DDX56: variants seen among roughly 807,000 people sequenced by gnomAD.
The protein encoded by DDX56 is DEAD-box helicase 56.
In DDX56, 45 loss-of-function variants were observed where a neutral mutation model predicts 61.5. The ratio of observed to expected loss-of-function variants is 0.73; its 90% CI spans 0.58 to 0.94. The LOEUF (loss-of-function observed/expected upper bound fraction) is 0.94. Among genes scored for constraint, DDX56 ranks in the 40% least tolerant of loss-of-function variants. DDX56 has a pLI of 0.00. For synonymous variants in DDX56, 273 were observed against 268.3 expected, an observed-to-expected ratio of 1.02 and a Z score of -0.17; for missense variants, 708 against 690.7, an observed-to-expected ratio of 1.02 and a Z score of -0.28.
At chr7:44,572,793 T>A (rs371754705) in intron 3 of DDX56, 49 bp from the exon 4 acceptor site, 21 of 1,609,260 alleles carry the variant, frequency 1.3e-5, no homozygotes, top group Non-Finnish European at 1.7e-5. Flanking sequence ...GCAGCTGGGA[T>A]CTCACCCTGG....
At position 44,565,861 on chromosome 7, in the gene DDX56, C is replaced by T. The variant is rs963426635; in HGVS notation, c.*141G>A. On this transcript the variant is annotated 3_prime_UTR_variant, in exon 14 of 14. Coordinates refer to ENST00000258772, the MANE Select transcript of DDX56 (RefSeq NM_019082.4). ...GGGGCAAGATGCCAGCTTGGAAGTG[C>T]CAAGGAGCTAAAGGGCCCAGCACTG... The T allele has an allele frequency of 1.5e-6, 1 of 687,516 alleles. No individual in the cohort carries two copies. Among genetic ancestry groups the T allele is most frequent in the East Asian group, 2.8e-5 (1 of 36,356 alleles). The allele number at this position is 687,516 out of a possible 1,614,324, so 42.6% of individuals were successfully genotyped here.
chr7:44,569,924 G>A, intron 8 of DDX56, 21 bp from the exon 9 acceptor site: 1 of 1,611,204 alleles, frequency 6.2e-7, no homozygotes, highest in Non-Finnish European at 8.5e-7. Flanking sequence ...AGACAGTGCA[G>A]CTTGCATCTC....
rs779614957 is a variant in DDX56, at chr7:44,570,112, C to T, written c.1027G>A (p.Ala343Thr). The T allele has an allele frequency of 8.1e-6, 13 of 1,613,978 alleles. No homozygotes were observed. In the East Asian group the frequency reaches 2.7e-4, roughly 33 times the overall value. Residue 343 changes from alanine (A) to threonine (T), a missense_variant, in exon 8 of 14, where the codon GCA becomes ACA. By Grantham distance (58) the Ala-to-Thr change is moderately conservative. Coordinates refer to ENST00000258772, the MANE Select transcript of DDX56 (RefSeq NM_019082.4). ...PKGDKASDPE[A>T]GVARGIDFHH... ...AAGTCTATGCCCCGGGCCACACCTG[C>T]TTCCGGATCAGAGGCCCTGCAGAGA...
intron 13 of DDX56, 94 bp downstream of exon 13, chr7:44,566,354 C>T: frequency 8.3e-7 from 1 of 1,210,388 alleles, no homozygotes; most frequent in Non-Finnish European, 1.2e-6. Context: ...CCTCTCTTCC[C>T]CTCCCTAGGG....
chr7:44,567,612 C>T, intron 12 of DDX56: 1 of 206,578 alleles, frequency 4.8e-6, no homozygotes, highest in Non-Finnish European at 1.0e-5. Flanking sequence ...CCCTGCATCC[C>T]TCGCACCACC....
chr7:44,572,204 CT>C (rs1802693513), intron 5 of DDX56, 142 bp downstream of exon 5: 4 of 656,334 alleles, frequency 6.1e-6, no homozygotes, highest in Admixed American at 5.6e-5. Flanking sequence ...AGACCACTGG[CT>C]TTTAGTGCCT....
In DDX56 at chr7:44,572,361, T is replaced by C. The variant is rs755645631; in HGVS notation, c.631A>G (p.Ile211Val). The C allele has an allele frequency of 1.9e-6, 3 of 1,613,990 alleles. No homozygotes were observed. The South Asian group carries it at 3.3e-5, about 18-fold the overall frequency. Residue 211 changes from isoleucine to valine, a missense_variant, in exon 5 of 14, where the codon ATA becomes GTA. Coordinates refer to ENST00000258772, the MANE Select transcript of DDX56 (RefSeq NM_019082.4). ...GTGCCTCTTACCGGGTTATGTAATA[T>C]CAGCTCCTTGAGTGCTTGTACGTCC... ...NEDVQALKEL[I>V]LHNPVTLKLQ...
intron 9 of DDX56, 80 bp from the exon 10 acceptor site, chr7:44,569,283 C>G: frequency 7.3e-7 from 1 of 1,367,182 alleles, no homozygotes; most frequent in Non-Finnish European, 1.0e-6. Flanking sequence ...CTGCACCTCC[C>G]CCTTGGGGGA....
Position 44,570,896 on chromosome 7 carries a change from A to G in DDX56, c.891-19T>C. 6.2e-7 allele frequency: 1 copy of G among 1,606,224 alleles called. No homozygotes were observed. Among genetic ancestry groups the G allele is most frequent in the Non-Finnish European group, 8.5e-7 (1 of 1,173,658 alleles). The stretch of plus-strand genomic sequence containing the variant: ...GTGGCACCTGCAGCCAAGAGCGGAC[A>G]GAGAATCAGCTCAGCAGAGCAAGCT... On this transcript the variant is annotated intron_variant, in intron 6 of 13. Coordinates refer to ENST00000258772, the MANE Select transcript of DDX56 (RefSeq NM_019082.4).
At chr7:44,566,392 C>A in intron 13 of DDX56, 56 bp downstream of exon 13, 1 of 1,436,488 alleles carries the variant, frequency 7.0e-7, no homozygotes, top group Non-Finnish European at 9.6e-7. Flanking sequence ...CTGGTGATGA[C>A]AAAAGAGCAG....
chr7:44,569,970 C>T (rs750710556), intron 8 of DDX56, 45 bp downstream of exon 8: 1 of 1,613,398 alleles, frequency 6.2e-7, no homozygotes, highest in South Asian at 1.1e-5. Flanking sequence ...CCCCAAGTCC[C>T]TCAGTGTGCC....
Position 44,570,786 on chromosome 7 carries a change from G to A in DDX56, c.982C>T (p.Arg328Cys), listed in dbSNP as rs980099937. Residue 328 changes from arginine (R) to cysteine (C), a missense_variant, in exon 7 of 14, where the codon CGT becomes TGT. By Grantham distance (180) the Arg-to-Cys change is radical. Coordinates refer to ENST00000258772, the MANE Select transcript of DDX56 (RefSeq NM_019082.4). ...TCCCCTTTGGGCCCTCGGCCCCGAC[G>A]CTTGCCCTTGACTGGGGCCCCCAGG... ...EVLGAPVKGK[R>C]RGRGPKGDKA... 26 of 1,613,440 alleles carry A rather than the reference G, an allele frequency of 1.6e-5. No homozygotes were observed. The highest frequency in any genetic ancestry group is 1.6e-4 in the Middle Eastern group (1 of 6,082).
At position 44,565,981 on chromosome 7, in the gene DDX56, C is replaced by T. The variant is rs1163662080; in HGVS notation, c.*21G>A. 6.3e-7 allele frequency: 1 copy of T among 1,591,268 alleles called. No individual in the cohort carries two copies. The highest frequency in any genetic ancestry group is 1.3e-5 in the African/African-American group (1 of 74,646). On this transcript the variant is annotated 3_prime_UTR_variant, in exon 14 of 14. Transcript: ENST00000258772. Reference sequence around the variant, plus strand: ...AGCCTGTGCTCCACAATGTGCTCAGCTCCAGAGAGGCCCAACAACCTCAGG... The same window carrying T: ...AGCCTGTGCTCCACAATGTGCTCAGTTCCAGAGAGGCCCAACAACCTCAGG...
Position 44,571,753 on chromosome 7 carries a change from G to A in DDX56, c.646-17C>T, listed in dbSNP as rs369278330. Reference sequence around the variant, plus strand: ...AAGGGTAACCTGGGGGAGAAAACAGGCCTGTGGTCAGAAAGGAAAAGAACA... The same window carrying A: ...AAGGGTAACCTGGGGGAGAAAACAGACCTGTGGTCAGAAAGGAAAAGAACA... On this transcript the variant is annotated splice_polypyrimidine_tract_variant and intron_variant, in intron 5 of 13. Coordinates refer to ENST00000258772, the MANE Select transcript of DDX56 (RefSeq NM_019082.4). 1 of 1,612,582 alleles carries A rather than the reference G, an allele frequency of 6.2e-7. No individual in the cohort carries two copies. Among genetic ancestry groups the A allele is most frequent in the Non-Finnish European group, 8.5e-7 (1 of 1,179,426 alleles).
At position 44,568,833 on chromosome 7, in the gene DDX56, G is replaced by A. The variant is rs901404251; in HGVS notation, c.1383+70C>T. The A allele has an allele frequency of 9.8e-6, 13 of 1,323,272 alleles. No homozygotes were observed. The Admixed American group carries it at 1.0e-4, about 10-fold the overall frequency. The allele number at this position is 1,323,272 out of a possible 1,614,324, so 82.0% of individuals were successfully genotyped here. On this transcript the variant is annotated intron_variant, in intron 11 of 13. Transcript: ENST00000258772. ...CCCAGTTCTCTGCTTCTCACCACTC[G>A]GAGCTCAGCCAGTCTCCAAAAAGGG...
rs890431512 is a variant in DDX56, at chr7:44,571,588, A to C, written c.794T>G (p.Val265Gly). 9.3e-6 allele frequency: 15 copies of C among 1,614,062 alleles called. No homozygotes were observed. The highest frequency in any genetic ancestry group is 1.3e-5 in the African/African-American group (1 of 74,944). Residue 265 changes from valine (V) to glycine (G), a missense_variant, in exon 6 of 14, where the codon GTC (valine) becomes GGC (glycine). Transcript: ENST00000258772. ...SLIRGKSLLFVNTLERSYRLR... is the reference protein window; with the variant it reads ...SLIRGKSLLFGNTLERSYRLR... ...CCGGTAACTCCGTTCTAGAGTGTTG[A>C]CAAAGAGCAGAGACTTGCCCCGAAT...
At position 44,570,082 on chromosome 7, in the gene DDX56, G is replaced by A. The variant is rs1451164629; in HGVS notation, c.1057C>T (p.His353Tyr). The A allele has an allele frequency of 8.7e-6, 14 of 1,614,160 alleles. No individual in the cohort carries two copies. The highest frequency in any genetic ancestry group is 1.3e-5 in the African/African-American group (1 of 75,056). ...TCAAAGTTGAGCACAGCAGACACAT[G>A]GTGGAAGTCTATGCCCCGGGCCACA... is the stretch of plus-strand genomic sequence containing the variant. Reference protein sequence around the residue: ...AGVARGIDFHHVSAVLNFDLP... With the variant: ...AGVARGIDFHYVSAVLNFDLP... Residue 353 changes from histidine (H) to tyrosine (Y), a missense_variant, in exon 8 of 14, where the codon CAT (histidine) becomes TAT (tyrosine). Coordinates refer to ENST00000258772, the MANE Select transcript of DDX56 (RefSeq NM_019082.4).
chr7:44,573,522 C>A, intron 2 of DDX56, 61 bp downstream of exon 2: 1 of 1,582,868 alleles, frequency 6.3e-7, no homozygotes, highest in Non-Finnish European at 8.6e-7. Flanking sequence ...CAAACGGGAA[C>A]CGCCCTTCCC....
In DDX56 at chr7:44,573,746, TAGG is replaced by T. The variant is rs1802742941; in HGVS notation, c.61-5_61-3del. On this transcript the variant is annotated splice_polypyrimidine_tract_variant and splice_region_variant and intron_variant, in intron 1 of 13. Transcript: ENST00000258772. Reference sequence around the variant, plus strand: ...CGACCAGCCCAGATCGGTGACAGCCTAGGAGACCAGGAGTGCGGTTTAAGCGGC... The same window carrying T: ...CGACCAGCCCAGATCGGTGACAGCCTAGACCAGGAGTGCGGTTTAAGCGGC... 6.2e-7 allele frequency: 1 copy of T among 1,613,472 alleles called. No homozygotes were observed. The highest frequency in any genetic ancestry group is 8.5e-7 in the Non-Finnish European group (1 of 1,179,950).
Sources: gnomAD v4.1 joint callset for allele counts on GRCh38, gnomAD v4.1.1 for gene constraint, MANE v1.5 for transcripts, NCBI Gene and HGNC (gene_info 2026-07-23, HGNC 2026-07-21) for gene names.